KCNIP3: variants seen among roughly 807,000 people sequenced by gnomAD.
KCNIP3 encodes calsenilin.
A neutral mutation model predicts 35.0 loss-of-function variants in KCNIP3; 28 were observed. The observed-to-expected ratio is 0.80, with a 90% CI of 0.59 to 1.10. KCNIP3 has a LOEUF of 1.10. KCNIP3 is among the 50% of genes least tolerant of loss of function. KCNIP3 has a pLI of 0.00. For missense variants in KCNIP3, 295 were observed against 338.4 expected (o/e 0.87, Z 1.01); for synonymous variants, 134 against 133.8 (o/e 1.00, Z -0.01).
At chr2:95,383,506 C>T (rs550321116) in intron 8 of KCNIP3, among the ~76,000 whole-genome samples, 1 of 151,854 alleles carries the variant, frequency 6.6e-6, no homozygotes, top group Admixed American at 6.5e-5. Context: ...CCCTGCAGCC[C>T]ACAGCATCCC....
intron 2 of KCNIP3, among the ~76,000 whole-genome samples, chr2:95,347,924 A>C (rs1442425127): frequency 2.6e-5 from 4 of 152,228 alleles, no homozygotes; most frequent in Non-Finnish European, 5.9e-5. Flanking sequence ...CAGAGGCCTG[A>C]GAATGAGAGA....
chr2:95,324,462 G>C (rs926112217), intron 2 of KCNIP3, among the ~76,000 whole-genome samples: 2 of 151,542 alleles, frequency 1.3e-5, no homozygotes, highest in Non-Finnish European at 2.9e-5. Flanking sequence ...TGCAGTAAGC[G>C]AGATTGCGCC....
intron 1 of KCNIP3, among the ~76,000 whole-genome samples, chr2:95,306,587 A>G (rs1199815816): frequency 6.6e-6 from 1 of 152,160 alleles, no homozygotes; most frequent in Non-Finnish European, 1.5e-5. Context: ...GCCGTGAGTG[A>G]GGCCTTAAAC....
At chr2:95,365,192 C>G (rs1299874066) in intron 2 of KCNIP3, among the ~76,000 whole-genome samples, 1 of 133,610 alleles carries the variant, frequency 7.5e-6, no homozygotes, top group Non-Finnish European at 1.6e-5. Context: ...GACAGAGTCT[C>G]TCTCTGTTGC....
intron 2 of KCNIP3, among the ~76,000 whole-genome samples, chr2:95,360,451 G>A (rs113994558): frequency 0.033 from 5,003 of 152,210 alleles, 119 homozygotes; most frequent in Middle Eastern, 0.061. Context: ...TGTTCATGGC[G>A]ACAGGCTTTT....
rs1680367042 is a variant in KCNIP3 at position 95,382,297 on chromosome 2, C to A, written c.556-80C>A. 1 of 874,358 alleles carries A rather than the reference C, an allele frequency of 1.1e-6. No homozygotes were observed. The highest frequency in any genetic ancestry group is 2.9e-5 in the Admixed American group (1 of 33,968). 54.2% of individuals were successfully genotyped at this position (874,358 alleles called of 1,614,324 possible). ...TCACTGCCTTGGAGGTGCCCTGCACCCTTGGATGCCGCCCGCTCCCTTTGG... is the reference window on the plus strand; with the variant it reads ...TCACTGCCTTGGAGGTGCCCTGCACACTTGGATGCCGCCCGCTCCCTTTGG... On this transcript the variant is annotated intron_variant, in intron 6 of 8. Transcript: ENST00000295225. The surrounding 1 kb of genome is among the most constrained non-coding windows in gnomAD (Gnocchi z 4.5).
chr2:95,384,073 C>A lies in KCNIP3; in HGVS notation c.*24C>A. ...AGGACACGTCCAAAGGAGTGCATGG[C>A]CACAGCCACCTCCACCCCCAAGAAA... is the stretch of plus-strand genomic sequence containing the variant. On this transcript the variant is annotated 3_prime_UTR_variant, in exon 9 of 9. Transcript: ENST00000295225. 6.2e-7 allele frequency: 1 copy of A among 1,609,184 alleles called. No individual in the cohort carries two copies. Among genetic ancestry groups the A allele is most frequent in the Non-Finnish European group, 8.5e-7 (1 of 1,175,746 alleles).
chr2:95,312,563 TG>T (rs1678348810), intron 2 of KCNIP3: 1 of 152,364 alleles, frequency 6.6e-6, no homozygotes, highest in African/African-American at 2.4e-5. Context: ...CCTGCATGGA[TG>T]TGTTTACCGG....
At chr2:95,363,540 A>G (rs903648081) in intron 2 of KCNIP3, among the ~76,000 whole-genome samples, 1 of 150,866 alleles carries the variant, frequency 6.6e-6, no homozygotes, top group Non-Finnish European at 1.5e-5. Flanking sequence ...CTCCCTTGTT[A>G]TTTTTCTTTT....
chr2:95,325,733 A>G (rs1678732518), intron 2 of KCNIP3, among the ~76,000 whole-genome samples: 1 of 151,888 alleles, frequency 6.6e-6, no homozygotes, highest in Non-Finnish European at 1.5e-5. Context: ...ATACACATAC[A>G]CACTCATACA....
Position 95,377,385 on chromosome 2 carries a change from C to A in KCNIP3, c.447+2177C>A, listed in dbSNP as rs78322579. On this transcript the variant is annotated intron_variant, in intron 5 of 8. Coordinates refer to ENST00000295225, the MANE Select transcript of KCNIP3 (RefSeq NM_013434.5). This position sits in a 1 kb window ranked among gnomAD's most constrained non-coding sequence, Gnocchi z 4.7. ...CCAGTGGCCAAGCGGCATCCAGGGC[C>A]GTGTGAGGGCAGCCTGCAAGCCCAG... 6.6e-6 allele frequency among the ~76,000 whole-genome samples: 1 copy of A among 152,218 alleles called. No homozygotes were observed. Among genetic ancestry groups the A allele is most frequent in the African/African-American group, 2.4e-5 (1 of 41,436 alleles).
intron 2 of KCNIP3, among the ~76,000 whole-genome samples, chr2:95,317,194 G>T (rs1395825334): frequency 1.3e-5 from 2 of 152,250 alleles, no homozygotes; most frequent in African/African-American, 4.8e-5. Context: ...CTGTGTGAGA[G>T]CAGGCTGTTC....
At chr2:95,340,419 T>C (rs1400173531) in intron 2 of KCNIP3, among the ~76,000 whole-genome samples, 4 of 152,176 alleles carry the variant, frequency 2.6e-5, no homozygotes, top group African/African-American at 9.7e-5. Flanking sequence ...TTGGCAACAA[T>C]GCACATCCAC....
chr2:95,351,844 A>T (rs1260455906), intron 2 of KCNIP3, among the ~76,000 whole-genome samples: 1 of 152,170 alleles, frequency 6.6e-6, no homozygotes, highest in Non-Finnish European at 1.5e-5. Flanking sequence ...AAGTGGAGCC[A>T]TGAAGGAGGT....
rs770480961 is a variant in KCNIP3 at position 95,382,445 on chromosome 2, GGACGCGCCGGC to G, written c.626_636del (p.Asp209GlyfsTer21). On this transcript the variant is annotated frameshift_variant, in exon 7 of 9. Coordinates refer to ENST00000295225, the MANE Select transcript of KCNIP3 (RefSeq NM_013434.5). LOFTEE classifies it high-confidence loss of function. This position sits in a 1 kb window ranked among gnomAD's most constrained non-coding sequence, Gnocchi z 4.5. Reference sequence around the variant, plus strand: ...GCCACACCTACCCCATCCTGCGGGAGGACGCGCCGGCGGAGCACGTGGAGAGGTTCTTCGAG... The same window carrying G: ...GCCACACCTACCCCATCCTGCGGGAGGGAGCACGTGGAGAGGTTCTTCGAG... The G allele has an allele frequency of 2.5e-6, 4 of 1,609,266 alleles. No individual in the cohort carries two copies. The South Asian group carries it at 4.4e-5, about 18-fold the overall frequency.
intron 1 of KCNIP3, among the ~76,000 whole-genome samples, chr2:95,308,544 T>G (rs1308274634): frequency 3.3e-5 from 5 of 151,966 alleles, no homozygotes; most frequent in Admixed American, 6.6e-5. Context: ...CAGAGAATCC[T>G]CCCCCAGCTG....
At chr2:95,335,866 C>T (rs1679048573) in intron 2 of KCNIP3, among the ~76,000 whole-genome samples, 1 of 152,080 alleles carries the variant, frequency 6.6e-6, no homozygotes, top group Non-Finnish European at 1.5e-5. Flanking sequence ...AAATTCTTTT[C>T]TGTTTTTTTC....
At chr2:95,375,979 C>T (rs1308764239) in intron 5 of KCNIP3, among the ~76,000 whole-genome samples, 5 of 152,228 alleles carry the variant, frequency 3.3e-5, no homozygotes, top group Admixed American at 1.3e-4. Flanking sequence ...CAGAAGGCCC[C>T]GGCCACACGG....
chr2:95,334,748 G>T (rs1379190205), intron 2 of KCNIP3, among the ~76,000 whole-genome samples: 1 of 152,196 alleles, frequency 6.6e-6, no homozygotes, highest in Non-Finnish European at 1.5e-5. Flanking sequence ...CATCACTGGG[G>T]ACCAGGAAGC....
Sources: allele counts gnomAD v4.1 joint callset (sites outside exome capture counted in the v4.1 genomes callset), GRCh38; gene constraint gnomAD v4.1.1; non-coding constraint Gnocchi (gnomAD v3.1); transcripts MANE v1.5; gene names NCBI Gene and HGNC (gene_info 2026-07-23, HGNC 2026-07-21).